The following UTRN variants were observed in gnomAD, a reference collection of about 807,000 sequenced individuals.
UTRN encodes the protein dystrophin-related protein 1.
A neutral mutation model predicts 463.9 loss-of-function variants in UTRN; 283 were observed. That is an observed-to-expected ratio of 0.61 (90% CI 0.55 to 0.67). The LOEUF (loss-of-function observed/expected upper bound fraction) is 0.67. Among genes scored for constraint, UTRN ranks in the 30% least tolerant of loss-of-function variants. The pLI, the probability that UTRN is intolerant of heterozygous loss-of-function variation, is 0.00. For synonymous variants in UTRN, 1,442 were observed against 1,431.5 expected (o/e 1.01, Z -0.17); for missense variants, 3,922 against 4,084.3 (o/e 0.96, Z 1.08).
intron 56 of UTRN, 67 bp downstream of exon 56, chr6:144,752,019 AT>A: frequency 2.9e-6 from 4 of 1,381,800 alleles, no homozygotes; most frequent in Non-Finnish European, 3.8e-6. Flanking sequence ...CTACCTCACT[AT>A]ATTACCACTC....
At chr6:144,631,693 T>G (rs1585673376) in intron 51 of UTRN, among the ~76,000 whole-genome samples, 1 of 152,322 alleles carries the variant, frequency 6.6e-6, no homozygotes, top group Non-Finnish European at 1.5e-5. Flanking sequence ...GGATCGGTTC[T>G]CCTCTCATTT....
chr6:144,579,756 G>A (rs1278431320), intron 51 of UTRN, among the ~76,000 whole-genome samples: 1 of 152,092 alleles, frequency 6.6e-6, no homozygotes, highest in Non-Finnish European at 1.5e-5. Context: ...TATTACTTTA[G>A]TGTTGCTAAA....
intron 13 of UTRN, among the ~76,000 whole-genome samples, chr6:144,440,676 G>A (rs1787063384): frequency 6.6e-6 from 1 of 152,190 alleles, no homozygotes; most frequent in Non-Finnish European, 1.5e-5. Context: ...CAGCTCTTGG[G>A]GTGAATGGAT....
intron 51 of UTRN, among the ~76,000 whole-genome samples, chr6:144,677,877 T>C (rs1296570244): frequency 6.6e-6 from 1 of 152,222 alleles, no homozygotes; most frequent in Non-Finnish European, 1.5e-5. Context: ...TTTCATATGT[T>C]TGTTGGCCAC....
intron 33 of UTRN, among the ~76,000 whole-genome samples, chr6:144,494,452 AC>A (rs1793386661): frequency 6.6e-6 from 1 of 152,170 alleles, no homozygotes; most frequent in South Asian, 2.1e-4. Flanking sequence ...AGCAGTGTGG[AC>A]CCAAAGAGTG....
chr6:144,665,132 G>C (rs1312839865), intron 51 of UTRN, among the ~76,000 whole-genome samples: 1 of 152,092 alleles, frequency 6.6e-6, no homozygotes, highest in Non-Finnish European at 1.5e-5. Flanking sequence ...AAACATCACT[G>C]TTGCCACATA....
intron 2 of UTRN, among the ~76,000 whole-genome samples, chr6:144,390,289 C>A (rs938788657): frequency 1.3e-5 from 2 of 152,174 alleles, no homozygotes; most frequent in African/African-American, 2.4e-5. Context: ...CCACCTCCCC[C>A]TTTCTTGTCT....
At position 144,451,507 on chromosome 6, in the gene UTRN, A is replaced by G; in HGVS notation, c.2196+14A>G. 5 of 1,608,386 alleles carry G rather than the reference A, an allele frequency of 3.1e-6. No individual in the cohort carries two copies. The highest frequency in any genetic ancestry group is 1.1e-5 in the South Asian group (1 of 90,700). ...AAGAAGTTGAAGGTAAAAAACATAA[A>G]CCACATATATCCTAGTGCATAAAAT... On this transcript the variant is annotated intron_variant, in intron 18 of 74. Transcript: ENST00000367545.
intron 37 of UTRN, among the ~76,000 whole-genome samples, chr6:144,515,199 C>T (rs1207201911): frequency 7.2e-5 from 11 of 152,168 alleles, no homozygotes; most frequent in Non-Finnish European, 1.2e-4. Flanking sequence ...GCTGCTGCAC[C>T]CGGCCAACAA....
At chr6:144,516,419 G>T (rs936931795) in intron 38 of UTRN, 32 bp downstream of exon 38, 8 of 1,587,396 alleles carry the variant, frequency 5.0e-6, no homozygotes, top group African/African-American at 1.4e-5. Flanking sequence ...AACCATGGTG[G>T]TCTCATTTTT....
rs766145602 is a variant in UTRN at position 144,491,042 on chromosome 6, C to T, written c.4377C>T (p.His1459=). 13 of 1,613,992 alleles carry T rather than the reference C, an allele frequency of 8.1e-6. No individual in the cohort carries two copies. The highest frequency in any genetic ancestry group is 2.2e-5 in the East Asian group (1 of 44,892). ...TGGATGGCGTGAAAGCAGAACTTCA[C>T]GTTCTGGATGTGAAGGACGTAGACC... ...RVLDGVKAEL[H]VLDVKDVDPD... Residue 1459 remains histidine, a synonymous_variant, in exon 32 of 75, where the codon CAC becomes CAT. Coordinates refer to ENST00000367545, the MANE Select transcript of UTRN (RefSeq NM_007124.3).
At chr6:144,497,344 T>G (rs145773157) in intron 33 of UTRN, among the ~76,000 whole-genome samples, 1 of 151,206 alleles carries the variant, frequency 6.6e-6, no homozygotes, top group Non-Finnish European at 1.5e-5. Context: ...TCTGGCTTGA[T>G]GATGTGGATG....
chr6:144,709,650 T>G (rs1785465123), intron 53 of UTRN, among the ~76,000 whole-genome samples: 1 of 152,220 alleles, frequency 6.6e-6, no homozygotes, highest in Non-Finnish European at 1.5e-5. Flanking sequence ...ACTGATTAAT[T>G]TGACGTAAAC....
chr6:144,521,917 T>C lies in UTRN; in HGVS notation c.5542-63T>C, dbSNP rs1585107856. The stretch of plus-strand genomic sequence containing the variant: ...CACACAATAGTCTTGTTATTATTCA[T>C]TGTGGGGGTATTTTAAGAGATATAT... On this transcript the variant is annotated intron_variant, in intron 39 of 74. Transcript: ENST00000367545. 1.1e-5 allele frequency: 11 copies of C among 1,034,534 alleles called. No individual in the cohort carries two copies. The East Asian group carries it at 4.1e-4, about 38-fold the overall frequency. The allele number at this position is 1,034,534 out of a possible 1,614,324, so 64.1% of individuals were successfully genotyped here. A position where few individuals can be genotyped will look rare whatever the true frequency, so the allele number is the denominator to read the frequency against.
At chr6:144,706,773 A>T (rs1179238130) in intron 53 of UTRN, 1 of 152,296 alleles carries the variant, frequency 6.6e-6, no homozygotes, top group Non-Finnish European at 1.5e-5. Context: ...AACATTTACA[A>T]ATTTTAACAA....
In UTRN at chr6:144,403,887, T is replaced by C. The variant is rs147235529; in HGVS notation, c.141+703T>C. Among the ~76,000 whole-genome samples the C allele has an allele frequency of 4.7e-4, 72 of 152,298 alleles. 1 individual carries two copies. In the East Asian group the frequency reaches 0.011, roughly 23 times the overall value. On this transcript the variant is annotated intron_variant, in intron 3 of 74. Transcript: ENST00000367545. Reference sequence around the variant, plus strand: ...GGAGGAGAGTTTTCAGGATAACAGATTGTTTAGGACTCTTCTACAACAAGA... The same window carrying C: ...GGAGGAGAGTTTTCAGGATAACAGACTGTTTAGGACTCTTCTACAACAAGA...
At chr6:144,632,117 A>G (rs1776592941) in intron 51 of UTRN, among the ~76,000 whole-genome samples, 1 of 152,208 alleles carries the variant, frequency 6.6e-6, no homozygotes, top group Non-Finnish European at 1.5e-5. Flanking sequence ...TCTTGAGGGA[A>G]CCAAAGTTGT....
chr6:144,433,234 G>C (rs1786077797), intron 9 of UTRN, among the ~76,000 whole-genome samples: 1 of 151,812 alleles, frequency 6.6e-6, no homozygotes, highest in South Asian at 2.1e-4. Context: ...GCCGGGCAGA[G>C]GGGCTCCTCA....
Position 144,716,742 on chromosome 6 carries a change from A to G in UTRN, c.7810-13615A>G, listed in dbSNP as rs75048843. 3.2e-3 allele frequency among the ~76,000 whole-genome samples: 492 copies of G among 152,234 alleles called. 2 individuals carry two copies. In the East Asian group the frequency reaches 0.035, roughly 11 times the overall value. ...CTTTTTGCATATTTACCTTTTGCAT[A>G]GTTTTACTTGGGTGCAGAGTTTTTA... On this transcript the variant is annotated intron_variant, in intron 53 of 74. Transcript: ENST00000367545.
Sources: allele counts gnomAD v4.1 joint callset (sites outside exome capture counted in the v4.1 genomes callset), GRCh38; gene constraint gnomAD v4.1.1; transcripts MANE v1.5; gene names NCBI Gene and HGNC (gene_info 2026-07-23, HGNC 2026-07-21).